OPHN1: variants seen among roughly 807,000 people sequenced by gnomAD.
The protein encoded by OPHN1 is oligophrenin-1.
Under a neutral mutation model 60.7 loss-of-function variants are expected in OPHN1, and 11 were observed. The ratio of observed to expected loss-of-function variants is 0.18; its 90% CI spans 0.11 to 0.30. OPHN1 has a LOEUF of 0.30. Among genes scored for constraint, OPHN1 ranks in the 10% least tolerant of loss-of-function variants. OPHN1 has a pLI of 1.00. For synonymous variants in OPHN1, 226 were observed against 222.6 expected, an observed-to-expected ratio of 1.02 and a Z score of -0.14; for missense variants, 449 against 611.0, an observed-to-expected ratio of 0.73 and a Z score of 2.80.
intron 2 of OPHN1, among the ~76,000 whole-genome samples, chrX:68,426,149 A>G (rs1434736645): frequency 1.8e-5 from 2 of 111,153 alleles, no homozygotes; most frequent in African/African-American, 3.2e-5. Context: ...CTTTTAAAAC[A>G]TAAGTTTTCA....
At chrX:68,343,805 T>C in intron 2 of OPHN1, among the ~76,000 whole-genome samples, 1 of 111,777 alleles carries the variant, frequency 8.9e-6, no homozygotes, top group Middle Eastern at 4.7e-3. Context: ...ATGAATAGCA[T>C]AGTTATAACC....
intron 2 of OPHN1, among the ~76,000 whole-genome samples, chrX:68,349,570 A>G (rs2078396599): frequency 8.9e-6 from 1 of 112,053 alleles, no homozygotes; most frequent in South Asian, 3.7e-4. Context: ...ATATACCCAA[A>G]GGATTATAAA....
chrX:68,377,288 G>A (rs1165543141), intron 2 of OPHN1, among the ~76,000 whole-genome samples: 1 of 108,889 alleles, frequency 9.2e-6, no homozygotes, highest in African/African-American at 3.3e-5. Context: ...GGTAAAGACA[G>A]GGTTTCACCA....
At position 68,194,352 on chromosome X, in the gene OPHN1, G is replaced by C. The variant is rs2077501606; in HGVS notation, c.1138+113C>G. On this transcript the variant is annotated intron_variant, in intron 13 of 24. Transcript: ENST00000355520. ...TGGCTGAATTTTATTTCACACAAAG[G>C]CATCCATATTCAGACTTGCGTTAGT... The C allele has an allele frequency of 7.9e-6, 5 of 636,696 alleles. No individual in the cohort carries two copies. In the South Asian group the frequency reaches 9.1e-5, roughly 12 times the overall value. The allele number at this position is 636,696 out of a possible 1,213,427, so 52.5% of individuals were successfully genotyped here.
At chrX:68,119,372 CA>C in intron 15 of OPHN1, 40 bp from the exon 16 acceptor site, 3 of 995,031 alleles carry the variant, frequency 3.0e-6, no homozygotes, top group Middle Eastern at 2.7e-4. Context: ...AGTTAATCAT[CA>C]AAAAAATCTT....
chrX:68,154,180 G>A (rs1431735929), intron 15 of OPHN1, among the ~76,000 whole-genome samples: 2 of 112,361 alleles, frequency 1.8e-5, no homozygotes, highest in Admixed American at 9.4e-5. Context: ...TATTTCAGAT[G>A]TTCCTCACTA....
chrX:68,201,038 G>A (rs985166020), intron 11 of OPHN1, among the ~76,000 whole-genome samples: 1 of 111,659 alleles, frequency 9.0e-6, no homozygotes, highest in African/African-American at 3.3e-5. Context: ...AGGGCACTGG[G>A]GAGAAACAAA....
chrX:68,421,461 TTTTG>T (rs2078826001), intron 2 of OPHN1, among the ~76,000 whole-genome samples: 1 of 111,582 alleles, frequency 9.0e-6, no homozygotes, highest in African/African-American at 3.3e-5. Flanking sequence ...CAGGTTTGTT[TTTTG>T]TTTTTTTTCT....
intron 21 of OPHN1, among the ~76,000 whole-genome samples, chrX:68,063,208 AC>A (rs1332458511): frequency 1.8e-5 from 2 of 109,475 alleles, no homozygotes; most frequent in Non-Finnish European, 3.8e-5. Flanking sequence ...AAACAAACAA[AC>A]AAAAAAAAAA....
At chrX:68,210,313 TATC>T (rs1183104068) in intron 8 of OPHN1, 31 bp from the exon 9 acceptor site, 1 of 1,186,317 alleles carries the variant, frequency 8.4e-7, no homozygotes. Flanking sequence ...AAATCATTAT[TATC>T]ATCATCATTA....
intron 5 of OPHN1, among the ~76,000 whole-genome samples, chrX:68,255,206 T>C (rs899275590): frequency 6.4e-5 from 7 of 109,639 alleles, no homozygotes; most frequent in Non-Finnish European, 1.1e-4. Flanking sequence ...AGTTCTTAAG[T>C]CACTTACCCA....
At chrX:68,065,024 GGA>G (rs958742433) in intron 20 of OPHN1, among the ~76,000 whole-genome samples, 2 of 110,741 alleles carry the variant, frequency 1.8e-5, no homozygotes, top group Non-Finnish European at 3.8e-5. Flanking sequence ...GAAAGCATTA[GGA>G]GATATACCTA....
intron 2 of OPHN1, among the ~76,000 whole-genome samples, chrX:68,415,947 G>A (rs2078791727): frequency 1.9e-5 from 2 of 106,233 alleles, no homozygotes; most frequent in South Asian, 4.3e-4. Context: ...CCCAGGAGGT[G>A]GAGGTTGCAA....
At chrX:68,127,549 G>T (rs6624345) in intron 15 of OPHN1, among the ~76,000 whole-genome samples, 52,213 of 110,377 alleles carry the variant, frequency 0.47, 10,446 homozygotes, top group South Asian at 0.7. Flanking sequence ...TCAACATAAT[G>T]TCAATGAATG....
At chrX:68,311,265 G>T (rs1045859632) in intron 2 of OPHN1, among the ~76,000 whole-genome samples, 9 of 111,279 alleles carry the variant, frequency 8.1e-5, no homozygotes, top group Non-Finnish European at 1.5e-4. Context: ...AACAGAGCAA[G>T]ACCCTGTCCC....
At chrX:68,220,468 G>A (rs1329312975) in intron 6 of OPHN1, among the ~76,000 whole-genome samples, 6,014 of 108,893 alleles carry the variant, frequency 0.055, 423 homozygotes, top group African/African-American at 0.19. Flanking sequence ...GCCTGGCAGA[G>A]ACACAACAAA....
intron 18 of OPHN1, among the ~76,000 whole-genome samples, chrX:68,103,848 AG>A (rs1602158258): frequency 8.9e-6 from 1 of 112,067 alleles, no homozygotes; most frequent in Non-Finnish European, 1.9e-5. Context: ...AAAGAAATAA[AG>A]GGTATTCAAA....
intron 15 of OPHN1, among the ~76,000 whole-genome samples, chrX:68,149,383 G>A (rs2077276028): frequency 8.9e-6 from 1 of 111,954 alleles, no homozygotes; most frequent in South Asian, 3.7e-4. Context: ...TGGTAGATAT[G>A]AAGCTACTGA....
chrX:68,245,744 T>G (rs1002118895), intron 5 of OPHN1, among the ~76,000 whole-genome samples: 1 of 112,644 alleles, frequency 8.9e-6, no homozygotes, highest in Non-Finnish European at 1.9e-5. Context: ...CCTCCATTGA[T>G]AGTCATGCCC....
Sources: gnomAD v4.1 joint callset for allele counts (sites outside exome capture counted in the v4.1 genomes callset) on GRCh38, gnomAD v4.1.1 for gene constraint, MANE v1.5 for transcripts, NCBI Gene and HGNC (gene_info 2026-07-23, HGNC 2026-07-21) for gene names.